WWTR1: variants seen among roughly 807,000 people sequenced by gnomAD.
The protein encoded by WWTR1 is WW domain-containing transcription regulator protein 1.
Under a neutral mutation model 40.1 loss-of-function variants are expected in WWTR1, and 13 were observed. That is an observed-to-expected ratio of 0.32 (90% confidence interval 0.21 to 0.52). WWTR1 has a LOEUF of 0.52. WWTR1 is among the 20% of genes least tolerant of loss of function. The pLI is 0.97. For synonymous variants in WWTR1, 230 were observed against 210.1 expected, an observed-to-expected ratio of 1.09 and a Z score of -0.82; for missense variants, 436 against 523.1, an observed-to-expected ratio of 0.83 and a Z score of 1.63.
chr3:149,534,894 A>G (rs531878489), intron 4 of WWTR1, among the ~76,000 whole-genome samples: 1 of 152,196 alleles, frequency 6.6e-6, no homozygotes, highest in Non-Finnish European at 1.5e-5. Flanking sequence ...GTGAAAGACA[A>G]ATGATTATTT....
At chr3:149,600,280 A>G (rs1164964087) in intron 2 of WWTR1, among the ~76,000 whole-genome samples, 1 of 152,250 alleles carries the variant, frequency 6.6e-6, no homozygotes, top group African/African-American at 2.4e-5. Context: ...ATTAAGAATC[A>G]GTAGCAGTAG....
chr3:149,600,957 C>T (rs911468093), intron 2 of WWTR1, among the ~76,000 whole-genome samples: 1 of 151,994 alleles, frequency 6.6e-6, no homozygotes, highest in Non-Finnish European at 1.5e-5. Context: ...AAATTAATCC[C>T]TTGTCCCCCA....
chr3:149,550,793 A>G (rs1736586485), intron 3 of WWTR1, among the ~76,000 whole-genome samples: 1 of 146,622 alleles, frequency 6.8e-6, no homozygotes, highest in Non-Finnish European at 1.5e-5. Context: ...ATTTTCCATA[A>G]GCACGTGATG....
intron 4 of WWTR1, among the ~76,000 whole-genome samples, chr3:149,530,001 A>T (rs1277305230): frequency 6.6e-6 from 1 of 152,196 alleles, no homozygotes; most frequent in African/African-American, 2.4e-5. Flanking sequence ...TTAAAAGTTG[A>T]TGAGATGGCT....
At chr3:149,645,481 C>T (rs928085502) in intron 2 of WWTR1, among the ~76,000 whole-genome samples, 1 of 152,194 alleles carries the variant, frequency 6.6e-6, no homozygotes, top group African/African-American at 2.4e-5. Context: ...CTACTTTTCA[C>T]TTTATAACTT....
chr3:149,528,181 AG>A (rs1417434653), intron 4 of WWTR1, among the ~76,000 whole-genome samples: 8 of 152,350 alleles, frequency 5.3e-5, no homozygotes, highest in African/African-American at 1.9e-4. Flanking sequence ...TGGGAAGCTC[AG>A]CTATTATTTG....
At chr3:149,687,654 G>T (rs1341581863) in intron 1 of WWTR1, among the ~76,000 whole-genome samples, 2 of 152,200 alleles carry the variant, frequency 1.3e-5, no homozygotes, top group African/African-American at 4.8e-5. Flanking sequence ...GCTGCTTTTA[G>T]GTGTGACCCA....
intron 1 of WWTR1, chr3:149,702,307 T>C (rs1715203273): frequency 6.6e-6 from 1 of 152,152 alleles, no homozygotes; most frequent in South Asian, 2.1e-4. Flanking sequence ...ACAAACAATA[T>C]GCAAGTGTTA....
chr3:149,631,609 T>C (rs1172157473), intron 2 of WWTR1, among the ~76,000 whole-genome samples: 1 of 152,160 alleles, frequency 6.6e-6, no homozygotes, highest in Non-Finnish European at 1.5e-5. Flanking sequence ...AAAACAGCAA[T>C]GCATCCTCCT....
intron 2 of WWTR1, among the ~76,000 whole-genome samples, chr3:149,622,509 G>GAAAGAAAGAA (rs1553800298): frequency 2.2e-5 from 3 of 139,196 alleles, no homozygotes; most frequent in East Asian, 4.6e-4. Context: ...AAGGAAGAAA[G>GAAAGAAAGAA]AAAGAAAGAA....
chr3:149,715,658 C>A (rs1715591013), intron 5 of WWTR1, among the ~76,000 whole-genome samples: 1 of 152,186 alleles, frequency 6.6e-6, no homozygotes, highest in Admixed American at 6.5e-5. Flanking sequence ...GCACCACCAG[C>A]CAAAGAGATT....
In WWTR1 at chr3:149,549,206, G is replaced by A. The variant is rs59573001; in HGVS notation, c.569-6669C>T. On this transcript the variant is annotated intron_variant, in intron 3 of 6. Coordinates refer to ENST00000360632, the MANE Select transcript of WWTR1 (RefSeq NM_015472.6). ...TTCCAAAGAACACAGGATTGAATGAGTGGTGGCTGATGGGAGTTGGGGGGC... is the reference window on the plus strand; with the variant it reads ...TTCCAAAGAACACAGGATTGAATGAATGGTGGCTGATGGGAGTTGGGGGGC... 6.8e-3 allele frequency among the ~76,000 whole-genome samples: 1,037 copies of A among 152,310 alleles called. 13 individuals carry two copies. The highest frequency in any genetic ancestry group is 0.024 in the African/African-American group (986 of 41,570).
rs201898779 is a variant in WWTR1 at position 149,557,686 on chromosome 3, A to AT, written c.569-15150dup. ...CAGTCCTTTACCCCAACTTAATTCA[A>AT]TTATTTATTTTTATCCTTTTGAATT... On this transcript the variant is annotated intron_variant, in intron 3 of 6. Coordinates refer to ENST00000360632, the MANE Select transcript of WWTR1 (RefSeq NM_015472.6). 8.7e-3 allele frequency among the ~76,000 whole-genome samples: 1,320 copies of AT among 151,988 alleles called. 14 individuals carry two copies. The highest frequency in any genetic ancestry group is 0.032 in the South Asian group (151 of 4,788).
chr3:149,589,343 CCTGA>C (rs1400959707), intron 2 of WWTR1, among the ~76,000 whole-genome samples: 1 of 152,210 alleles, frequency 6.6e-6, no homozygotes, highest in East Asian at 1.9e-4. Flanking sequence ...TCTTGTCCCT[CCTGA>C]CTTTTTCTGT....
intron 4 of WWTR1, among the ~76,000 whole-genome samples, chr3:149,540,015 A>G (rs751465894): frequency 1.6e-4 from 24 of 150,820 alleles, no homozygotes; most frequent in Non-Finnish European, 3.1e-4. Flanking sequence ...TGTACTCCCT[A>G]ACAAAAATAA....
chr3:149,693,809 A>G (rs1248169229), intron 1 of WWTR1, among the ~76,000 whole-genome samples: 1 of 152,210 alleles, frequency 6.6e-6, no homozygotes, highest in Non-Finnish European at 1.5e-5. Context: ...TAATAAAACT[A>G]GATTACTATC....
At chr3:149,670,150 T>C (rs73868056) in intron 1 of WWTR1, among the ~76,000 whole-genome samples, 3,189 of 152,272 alleles carry the variant, frequency 0.021, 119 homozygotes, top group African/African-American at 0.073. Context: ...GTGTGAACAG[T>C]GCAAGCAATT....
At chr3:149,671,481 A>G (rs1385645790) in intron 1 of WWTR1, among the ~76,000 whole-genome samples, 2 of 152,236 alleles carry the variant, frequency 1.3e-5, no homozygotes, top group African/African-American at 2.4e-5. Context: ...ATCCCCTAAC[A>G]GAATGTTTTA....
upstream of WWTR1, among the ~76,000 whole-genome samples, chr3:149,703,704 G>T (rs1025454421): frequency 6.6e-6 from 1 of 152,024 alleles, no homozygotes; most frequent in South Asian, 2.1e-4. Context: ...TGCTGTCCTC[G>T]ACATAATGAG....
Sources: allele counts gnomAD v4.1 joint callset (sites outside exome capture counted in the v4.1 genomes callset), GRCh38; gene constraint gnomAD v4.1.1; transcripts MANE v1.5; gene names NCBI Gene and HGNC (gene_info 2026-07-23, HGNC 2026-07-21).